BDP1: variants seen among roughly 807,000 people sequenced by gnomAD.
BDP1 encodes the protein transcription factor TFIIIB component B'' homolog.
A neutral mutation model predicts 266.6 loss-of-function variants in BDP1; 169 were observed. The observed-to-expected ratio is 0.63, with a 90% CI of 0.56 to 0.72. BDP1 has a LOEUF of 0.72. BDP1 is among the 30% of genes least tolerant of loss of function. BDP1 has a pLI of 0.00. For missense variants in BDP1, 3,015 were observed against 3,053.8 expected (o/e 0.99, Z 0.30); for synonymous variants, 1,090 against 1,022.4 (o/e 1.07, Z -1.26).
At position 71,525,364 on chromosome 5, in the gene BDP1, C is replaced by T. The variant is rs1036809351; in HGVS notation, c.5772+1041C>T. On this transcript the variant is annotated intron_variant, in intron 25 of 38. Transcript: ENST00000358731. Reference sequence around the variant, plus strand: ...CCGGGCAGAGGCACCCCTCACCTCCCGGATGGGGCGGCTGGCCGGGCGGGG... The same window carrying T: ...CCGGGCAGAGGCACCCCTCACCTCCTGGATGGGGCGGCTGGCCGGGCGGGG... Among the ~76,000 whole-genome samples, 14 of 148,414 alleles carry T rather than the reference C, an allele frequency of 9.4e-5. No individual in the cohort carries two copies. In the East Asian group the frequency reaches 1.9e-3, roughly 20 times the overall value.
At chr5:71,537,131 G>C (rs1464327808) in intron 26 of BDP1, among the ~76,000 whole-genome samples, 11 of 66,696 alleles carry the variant, frequency 1.6e-4, no homozygotes, top group East Asian at 4.4e-4. Context: ...CTGTCTCAAA[G>C]CCAAAAAACC....
chr5:71,499,605 G>A (rs1045753528), intron 13 of BDP1, among the ~76,000 whole-genome samples: 4 of 152,076 alleles, frequency 2.6e-5, no homozygotes, highest in African/African-American at 9.7e-5. Context: ...GGGCAACAGA[G>A]CGAAACTCTG....
chr5:71,476,177 G>GA (rs1373289268), intron 7 of BDP1: 1 of 153,548 alleles, frequency 6.5e-6, no homozygotes, highest in Non-Finnish European at 1.5e-5. Flanking sequence ...GCAGCTTTGA[G>GA]AAAACACATC....
Position 71,522,517 on chromosome 5 carries a change from A to T in BDP1, c.5193+27A>T, listed in dbSNP as rs773957862. On this transcript the variant is annotated intron_variant, in intron 23 of 38. Coordinates refer to ENST00000358731, the MANE Select transcript of BDP1 (RefSeq NM_018429.3). ...TAAGTTTGGGCAAAAAAAAAAAAAA[A>T]ATTTTTTTTCTCAATGAGGTCTGTT... 8 of 1,539,406 alleles carry T rather than the reference A, an allele frequency of 5.2e-6. No homozygotes were observed. The Admixed American group carries it at 6.5e-5, about 13-fold the overall frequency.
intron 29 of BDP1, 130 bp from the exon 30 acceptor site, chr5:71,541,975 A>T (rs1766994860): frequency 5.6e-6 from 4 of 710,296 alleles, no homozygotes; most frequent in Non-Finnish European, 6.7e-6. Flanking sequence ...TTTTAGTATT[A>T]AGAAATGAAC....
chr5:71,459,544 T>C (rs145907812), intron 2 of BDP1, among the ~76,000 whole-genome samples: 22 of 152,242 alleles, frequency 1.4e-4, no homozygotes, highest in African/African-American at 5.1e-4. Flanking sequence ...GCAGAATGAA[T>C]TGGTAATGTT....
At chr5:71,559,730 T>G (rs1200981848) in intron 36 of BDP1, among the ~76,000 whole-genome samples, 1 of 152,198 alleles carries the variant, frequency 6.6e-6, no homozygotes, top group South Asian at 2.1e-4. Context: ...GAAATATTTC[T>G]GGGAAAATAT....
At chr5:71,527,938 C>T (rs1055944884) in intron 25 of BDP1, among the ~76,000 whole-genome samples, 3 of 151,772 alleles carry the variant, frequency 2.0e-5, no homozygotes, top group Non-Finnish European at 4.4e-5. Flanking sequence ...TCTGCCTCAG[C>T]CTCCCAAGAA....
Position 71,456,012 on chromosome 5 carries a change from C to T in BDP1, c.135C>T (p.Ser45=), listed in dbSNP as rs1418800142. 2 of 1,613,540 alleles carry T rather than the reference C, an allele frequency of 1.2e-6. No homozygotes were observed. The highest frequency in any genetic ancestry group is 8.5e-7 in the Non-Finnish European group (1 of 1,180,042). Residue 45 remains serine (S), a synonymous_variant, in exon 1 of 39, where the codon TCC becomes TCT. Transcript: ENST00000358731. ...RPPDPATDSA[S]KPAEPTDVPT... ...CGGATCCTGCCACGGACTCTGCTTC[C>T]AAGCCCGCGGAGCCCACAGATGTGC...
intron 25 of BDP1, among the ~76,000 whole-genome samples, chr5:71,529,587 A>C (rs981834692): frequency 2.0e-5 from 3 of 152,178 alleles, no homozygotes; most frequent in African/African-American, 7.2e-5. Flanking sequence ...GCTACTCAGA[A>C]GGCTGAGTGG....
chr5:71,555,803 A>T (rs1211234883), intron 35 of BDP1, among the ~76,000 whole-genome samples: 3 of 152,132 alleles, frequency 2.0e-5, no homozygotes, highest in African/African-American at 2.4e-5. Context: ...TCCCAAACCC[A>T]TACAATTTTC....
At chr5:71,456,118 A>G in intron 1 of BDP1, 29 bp downstream of exon 1, 11 of 1,587,282 alleles carry the variant, frequency 6.9e-6, no homozygotes, top group Non-Finnish European at 9.5e-6. Flanking sequence ...AAGAATTTTC[A>G]TTTGTCCCGC....
intron 3 of BDP1, 139 bp downstream of exon 3, chr5:71,462,065 C>G (rs1761611338): frequency 3.5e-6 from 2 of 573,468 alleles, no homozygotes; most frequent in East Asian, 6.1e-5. Flanking sequence ...CAGGTTCAAG[C>G]GATTCTCCTG....
chr5:71,469,456 A>G (rs915876402), intron 6 of BDP1, among the ~76,000 whole-genome samples: 3 of 151,992 alleles, frequency 2.0e-5, no homozygotes, highest in African/African-American at 4.8e-5. Flanking sequence ...GTATTTTTCT[A>G]GCTACTTTCT....
chr5:71,456,144 AC>A, intron 1 of BDP1, 55 bp downstream of exon 1: 1 of 1,518,666 alleles, frequency 6.6e-7, no homozygotes, highest in Non-Finnish European at 9.0e-7. Context: ...CGGGCATGTC[AC>A]CTGGAAGCTG....
At chr5:71,504,971 A>G (rs1764497757) in intron 16 of BDP1, among the ~76,000 whole-genome samples, 1 of 152,160 alleles carries the variant, frequency 6.6e-6, no homozygotes, top group Non-Finnish European at 1.5e-5. Flanking sequence ...GTAAATTAGT[A>G]CTTGAGTTAA....
rs1273308385 is a variant in BDP1, at chr5:71,512,324, C to T, written c.4143C>T (p.Phe1381=). 1.2e-6 allele frequency: 2 copies of T among 1,601,758 alleles called. No individual in the cohort carries two copies. The highest frequency in any genetic ancestry group is 2.2e-5 in the East Asian group (1 of 44,580). Residue 1381 remains phenylalanine (F), a synonymous_variant, in exon 18 of 39, where the codon TTC becomes TTT. Coordinates refer to ENST00000358731, the MANE Select transcript of BDP1 (RefSeq NM_018429.3). ...CTGAAAAAGAAGTATCAAGTCACTT[C>T]AGTCATTTCAAGATTTCTTCACAGA... ...RNSEKEVSSH[F]SHFKISSQTH... is the part of the protein sequence containing the mutation.
downstream of BDP1, among the ~76,000 whole-genome samples, chr5:71,572,103 G>A (rs894715221): frequency 3.9e-5 from 6 of 152,124 alleles, no homozygotes; most frequent in African/African-American, 1.4e-4. Flanking sequence ...CCTATTGTTC[G>A]AGGAATGCAG....
At chr5:71,502,077 G>C (rs1051030456) in intron 14 of BDP1, among the ~76,000 whole-genome samples, 1 of 151,918 alleles carries the variant, frequency 6.6e-6, no homozygotes, top group African/African-American at 2.4e-5. Flanking sequence ...CCTTAGTCAG[G>C]AGTAGTATTC....
Sources: allele counts gnomAD v4.1 joint callset (sites outside exome capture counted in the v4.1 genomes callset), GRCh38; gene constraint gnomAD v4.1.1; transcripts MANE v1.5; gene names NCBI Gene and HGNC (gene_info 2026-07-23, HGNC 2026-07-21).